The following SYCP2L variants were observed in gnomAD, a reference collection of about 807,000 sequenced individuals.
The protein encoded by SYCP2L is synaptonemal complex protein 2 like.
In SYCP2L, 98 loss-of-function variants were observed where a neutral mutation model predicts 125.8. The ratio of observed to expected loss-of-function variants is 0.78; its 90% CI spans 0.66 to 0.92. The LOEUF is 0.92. Among genes scored for constraint, SYCP2L ranks in the 40% least tolerant of loss-of-function variants. The probability of loss-of-function intolerance (pLI) is 0.00; values close to 1 mark genes in which losing one functional copy is unlikely to be tolerated. For synonymous variants in SYCP2L, 317 were observed against 325.4 expected (o/e 0.97, Z 0.28); for missense variants, 842 against 936.4 (o/e 0.90, Z 1.32).
intron 24 of SYCP2L, among the ~76,000 whole-genome samples, chr6:10,955,453 G>A (rs1781487789): frequency 6.6e-6 from 1 of 152,128 alleles, no homozygotes; most frequent in African/African-American, 2.4e-5. Context: ...TCTTCCTTCT[G>A]GGAATTTTCA....
intron 8 of SYCP2L, among the ~76,000 whole-genome samples, chr6:10,904,060 C>G (rs368056739): frequency 6.6e-6 from 1 of 152,244 alleles, no homozygotes; most frequent in East Asian, 1.9e-4. Context: ...AGTAATACTA[C>G]TTGATAGTTA....
At chr6:10,937,349 G>A (rs527977244) in intron 21 of SYCP2L, among the ~76,000 whole-genome samples, 7 of 151,780 alleles carry the variant, frequency 4.6e-5, no homozygotes, top group Non-Finnish European at 1.0e-4. Flanking sequence ...AATAACCAAT[G>A]GATCAAATAA....
rs142271765 is a variant in SYCP2L, at chr6:10,953,466, C to G, written c.1955-1650C>G. 2.9e-3 allele frequency among the ~76,000 whole-genome samples: 443 copies of G among 152,156 alleles called. 1 individual carries two copies. Among genetic ancestry groups the G allele is most frequent in the African/African-American group, 0.01 (429 of 41,486 alleles). On this transcript the variant is annotated intron_variant, in intron 23 of 29. Transcript: ENST00000283141. Reference sequence around the variant, plus strand: ...GGCCACTATAGCAAATATGTAGTGGCTATTTAGGTCTCTAAAGCTTGTGAT... The same window carrying G: ...GGCCACTATAGCAAATATGTAGTGGGTATTTAGGTCTCTAAAGCTTGTGAT...
At chr6:10,973,388 C>T (rs1455039650) in intron 29 of SYCP2L, among the ~76,000 whole-genome samples, 1 of 152,172 alleles carries the variant, frequency 6.6e-6, no homozygotes, top group African/African-American at 2.4e-5. Context: ...CGAAAATTAG[C>T]TGGGCATGAT....
intron 14 of SYCP2L, among the ~76,000 whole-genome samples, chr6:10,921,436 G>T (rs1780798917): frequency 6.6e-6 from 1 of 152,096 alleles, no homozygotes; most frequent in Non-Finnish European, 1.5e-5. Context: ...TCTTTCTCTA[G>T]GTCTTTGAGG....
intron 29 of SYCP2L, among the ~76,000 whole-genome samples, chr6:10,972,469 A>G (rs924820963): frequency 6.6e-6 from 1 of 152,216 alleles, no homozygotes; most frequent in Non-Finnish European, 1.5e-5. Flanking sequence ...GAAGAGCAGC[A>G]GCGTAGTCCA....
At chr6:10,914,978 T>C (rs939213403) in intron 14 of SYCP2L, among the ~76,000 whole-genome samples, 2 of 152,102 alleles carry the variant, frequency 1.3e-5, no homozygotes, top group Non-Finnish European at 2.9e-5. Flanking sequence ...ACTCCTGACC[T>C]CAGGTGATCC....
chr6:10,898,181 T>C, intron 5 of SYCP2L, 66 bp downstream of exon 5: 1 of 1,195,136 alleles, frequency 8.4e-7, no homozygotes, highest in Non-Finnish European at 1.2e-6. Flanking sequence ...CTTCAAGTTA[T>C]TTATAAAACA....
chr6:10,944,294 T>C (rs1335522485), intron 23 of SYCP2L, among the ~76,000 whole-genome samples: 1 of 152,234 alleles, frequency 6.6e-6, no homozygotes, highest in Non-Finnish European at 1.5e-5. Context: ...ATTTTGTGTG[T>C]TTATTAGCCA....
intron 4 of SYCP2L, among the ~76,000 whole-genome samples, chr6:10,895,648 T>C (rs1360139340): frequency 3.3e-5 from 5 of 151,596 alleles, no homozygotes; most frequent in Non-Finnish European, 7.4e-5. Context: ...GTACTATGAA[T>C]TAGAGAATAA....
chr6:10,908,010 T>C (rs1458012522), intron 10 of SYCP2L, among the ~76,000 whole-genome samples: 1 of 150,126 alleles, frequency 6.7e-6, no homozygotes, highest in Non-Finnish European at 1.5e-5. Flanking sequence ...TGCCTCAGCA[T>C]CCCAAGTAGC....
Position 10,924,401 on chromosome 6 carries a change from A to G in SYCP2L, c.1073-95A>G, listed in dbSNP as rs1012736696. 13 of 1,041,990 alleles carry G rather than the reference A, an allele frequency of 1.2e-5. No individual in the cohort carries two copies. In the Admixed American group the frequency reaches 4.0e-4, roughly 32 times the overall value. The allele number at this position is 1,041,990 out of a possible 1,614,324, so 64.5% of individuals were successfully genotyped here. On this transcript the variant is annotated intron_variant, in intron 14 of 29. Transcript: ENST00000283141. ...AACTTCTTAACACAGAAAAATCTGG[A>G]CAAATACCCTAGCGTAGTTATTTAA...
chr6:10,902,944 G>A lies in SYCP2L; in HGVS notation c.622G>A (p.Glu208Lys). 5.0e-6 allele frequency: 8 copies of A among 1,614,108 alleles called. No individual in the cohort carries two copies. The highest frequency in any genetic ancestry group is 6.8e-6 in the Non-Finnish European group (8 of 1,179,986). The change falls in exon 8 of 30, where the codon GAA becomes AAA. Residue 208 changes from glutamate to lysine, a missense_variant. Transcript: ENST00000283141. ...REERKKFPLS[E>K]GMCHLMKDLA... ...AGAGAGAAAAAAATTCCCTTTGTCA[G>A]AAGGCATGTGTCATCTTATGTAAGT...
chr6:10,935,165 TGAA>T lies in SYCP2L; in HGVS notation c.1794_1796del (p.Glu598del), dbSNP rs573803043. 24 of 1,612,824 alleles carry T rather than the reference TGAA, an allele frequency of 1.5e-5. No individual in the cohort carries two copies. The South Asian group carries it at 2.7e-4, about 18-fold the overall frequency. ...AAGATAGTTTTGCTTTTTTGACTGC[TGAA>T]GATTCTGCCCAGAAAACAGGTACAT... On this transcript the variant is annotated inframe_deletion, in exon 21 of 30. Transcript: ENST00000283141.
chr6:10,896,278 A>G (rs1328649800), intron 4 of SYCP2L, among the ~76,000 whole-genome samples: 2 of 152,188 alleles, frequency 1.3e-5, no homozygotes, highest in Non-Finnish European at 2.9e-5. Flanking sequence ...GTAGTGATAC[A>G]ACTGTGGGGA....
At chr6:10,936,145 G>A (rs1452364949) in intron 21 of SYCP2L, among the ~76,000 whole-genome samples, 1 of 152,054 alleles carries the variant, frequency 6.6e-6, no homozygotes, top group African/African-American at 2.4e-5. Flanking sequence ...TAGTGTAGCT[G>A]CCACTGGAAG....
chr6:10,903,937 A>G (rs1780437557), intron 8 of SYCP2L, among the ~76,000 whole-genome samples: 2 of 152,152 alleles, frequency 1.3e-5, no homozygotes, highest in African/African-American at 4.8e-5. Context: ...AAGAGTACAG[A>G]CGGTAGAGCC....
At chr6:10,956,470 G>C (rs7773173) in intron 25 of SYCP2L, among the ~76,000 whole-genome samples, 76,601 of 152,008 alleles carry the variant, frequency 0.5, 20,174 homozygotes, top group East Asian at 0.7. Context: ...ATAAGTTCTG[G>C]AGACCTAACA....
chr6:10,929,242 C>T (rs566697401), intron 18 of SYCP2L, among the ~76,000 whole-genome samples: 4 of 152,190 alleles, frequency 2.6e-5, no homozygotes, highest in Non-Finnish European at 5.9e-5. Flanking sequence ...CCTTGGAATA[C>T]ATGACTTGTT....
Sources: allele counts gnomAD v4.1 joint callset (sites outside exome capture counted in the v4.1 genomes callset), GRCh38; gene constraint gnomAD v4.1.1; transcripts MANE v1.5; gene names NCBI Gene and HGNC (gene_info 2026-07-23, HGNC 2026-07-21).